The following ARMCX4 variants were observed in gnomAD, a reference collection of about 807,000 sequenced individuals.
ARMCX4 encodes armadillo repeat-containing X-linked protein 4.
In ARMCX4, 3 loss-of-function variants were observed where a neutral mutation model predicts 34.7. The ratio of observed to expected loss-of-function variants is 0.09; its 90% confidence interval spans 0.04 to 0.22. The LOEUF (loss-of-function observed/expected upper bound fraction) is 0.22, where lower values mean the gene tolerates loss of function less well. ARMCX4 is among the 10% of genes least tolerant of loss of function. ARMCX4 has a pLI of 1.00. For missense variants in ARMCX4, 1,448 were observed against 1,720.8 expected (o/e 0.84, Z 2.81); for synonymous variants, 513 against 632.8 (o/e 0.81, Z 2.84).
intron 11 of ARMCX4, among the ~76,000 whole-genome samples, chrX:101,528,153 TC>T (rs1396379532): frequency 8.9e-6 from 1 of 111,854 alleles, no homozygotes; most frequent in Non-Finnish European, 1.9e-5. Flanking sequence ...GTTGGCTTCA[TC>T]CCTGGGATGC....
At chrX:101,433,004 G>A (rs1930291095) in intron 2 of ARMCX4, among the ~76,000 whole-genome samples, 1 of 37,660 alleles carries the variant, frequency 2.7e-5, no homozygotes, top group Admixed American at 2.3e-4. Context: ...ACATATATGT[G>A]TATATATACA....
chrX:101,488,451 T>C lies in ARMCX4; in HGVS notation c.-139T>C. ...TCCTTCCTCCACTTCTAGGTCCACC[T>C]CCAGAGGCAGCTGTAGTGGCCTTTG... is the stretch of plus-strand genomic sequence containing the variant. On this transcript the variant is annotated 5_prime_UTR_variant, in exon 6 of 6. Transcript: ENST00000423738. The C allele has an allele frequency of 9.0e-7, 1 of 1,108,250 alleles. No individual in the cohort carries two copies. The highest frequency in any genetic ancestry group is 1.2e-6 in the Non-Finnish European group (1 of 850,201). The allele number at this position is 1,108,250 out of a possible 1,213,427, so 91.3% of individuals were successfully genotyped here. A position where few individuals can be genotyped will look rare whatever the true frequency, so the allele number is the denominator to read the frequency against.
intron 2 of ARMCX4, among the ~76,000 whole-genome samples, chrX:101,421,030 C>T (rs1213833344): frequency 1.8e-5 from 2 of 109,418 alleles, no homozygotes; most frequent in Non-Finnish European, 3.8e-5. Flanking sequence ...GGTGAAACCC[C>T]GTCTCTACTA....
chrX:101,433,259 TAC>T (rs2147534345), intron 2 of ARMCX4, among the ~76,000 whole-genome samples: 2 of 99,235 alleles, frequency 2.0e-5, no homozygotes, highest in East Asian at 3.2e-4. Flanking sequence ...CACACATATA[TAC>T]ATATATGTAC....
At chrX:101,508,701 A>G (rs1490006603) in intron 8 of ARMCX4, among the ~76,000 whole-genome samples, 1 of 111,795 alleles carries the variant, frequency 8.9e-6, no homozygotes, top group Non-Finnish European at 1.9e-5. Context: ...TTCTACACCC[A>G]GAAGCAATAA....
chrX:101,431,785 T>A (rs1475505055), intron 2 of ARMCX4, among the ~76,000 whole-genome samples: 1 of 112,036 alleles, frequency 8.9e-6, no homozygotes, highest in Non-Finnish European at 1.9e-5. Flanking sequence ...CCTTGTGATC[T>A]GCCCGCCTCA....
At chrX:101,447,082 G>C (rs184821439), downstream of ARMCX4, among the ~76,000 whole-genome samples, 314 of 112,037 alleles carry the variant, frequency 2.8e-3, 2 homozygotes, top group African/African-American at 9.2e-3. Context: ...TCTCTTTACA[G>C]GGCTGCTTGA....
Position 101,469,353 on chromosome X carries a change from C to A in ARMCX4, c.-472-16670C>A, listed in dbSNP as rs916696082. 1.7e-4 allele frequency among the ~76,000 whole-genome samples: 19 copies of A among 111,921 alleles called. 1 individual carries two copies. The highest frequency in any genetic ancestry group is 3.6e-4 in the Non-Finnish European group (19 of 53,158). ...TATAGCCACACTATGGAATACAATA[C>A]AACAGTTAAAAGGATCAACATTTAT... On this transcript the variant is annotated intron_variant and NMD_transcript_variant, in intron 4 of 15. Coordinates refer to the ARMCX4 transcript ENST00000433011.
intron 4 of ARMCX4, among the ~76,000 whole-genome samples, chrX:101,453,641 C>A (rs952039099): frequency 6.3e-5 from 7 of 111,227 alleles, no homozygotes; most frequent in Non-Finnish European, 1.3e-4. Context: ...TGTGCTAGAA[C>A]TCTGAGGCTT....
At chrX:101,482,680 G>A (rs1364486285), upstream of ARMCX4, among the ~76,000 whole-genome samples, 1 of 110,740 alleles carries the variant, frequency 9.0e-6, no homozygotes, top group East Asian at 2.8e-4. Context: ...GATTATAGGC[G>A]TGAGCCATCA....
At position 101,494,327 on chromosome X, in the gene ARMCX4, C is replaced by A; in HGVS notation, c.5738C>A (p.Thr1913Lys). 2 of 1,154,136 alleles carry A rather than the reference C, an allele frequency of 1.7e-6. No homozygotes were observed. Among genetic ancestry groups the A allele is most frequent in the South Asian group, 1.9e-5 (1 of 52,664 alleles). ...TGGGCTGAGAGTGAGAACAGTAATA[C>A]GTTCAGATCTAAGAGTGGGAAAGAT... ...LFWAESENSN[T>K]FRSKSGKDAS... is the part of the protein sequence containing the mutation. Residue 1913 changes from threonine to lysine, a missense_variant, in exon 6 of 6, where the codon ACG becomes AAG. This residue lies in a region of ARMCX4 where 1,343 missense variants were observed against 1,540.7 expected (regional missense o/e 0.87). Transcript: ENST00000423738.
chrX:101,420,385 C>A (rs1228599454), intron 2 of ARMCX4, among the ~76,000 whole-genome samples: 1 of 111,309 alleles, frequency 9.0e-6, no homozygotes, highest in Non-Finnish European at 1.9e-5. Flanking sequence ...AAAAAAAAGA[C>A]CACCAATTTA....
chrX:101,509,539 G>A (rs1934530243), intron 9 of ARMCX4: 1 of 111,482 alleles, frequency 9.0e-6, no homozygotes, highest in Non-Finnish European at 1.9e-5. Context: ...CATGACAAAT[G>A]ATACAAATTT....
At position 101,491,153 on chromosome X, in the gene ARMCX4, T is replaced by G; in HGVS notation, c.2564T>G (p.Val855Gly). ...KNKVKGNPNVVSKAGAREDTV... is the reference protein window; with the variant it reads ...KNKVKGNPNVGSKAGAREDTV... ...AAGGTCAAGGGCAATCCCAATGTCG[T>G]GTCTAAGGCAGGGGCCAGAGAAGAT... The change falls in exon 6 of 6, where the codon GTG (valine) becomes GGG (glycine). Residue 855 changes from valine (V) to glycine (G), a missense_variant. Physicochemically the swap from Val to Gly is moderately radical, Grantham distance 109. This residue lies in a region of ARMCX4 where 1,343 missense variants were observed against 1,540.7 expected (regional missense o/e 0.87). Coordinates refer to ENST00000423738, the MANE Select transcript of ARMCX4 (RefSeq NM_001256155.3). The G allele has an allele frequency of 8.7e-7, 1 of 1,156,064 alleles. No individual in the cohort carries two copies. Among genetic ancestry groups the G allele is most frequent in the Non-Finnish European group, 1.1e-6 (1 of 872,994 alleles).
chrX:101,428,177 C>G (rs1248241130), intron 2 of ARMCX4, among the ~76,000 whole-genome samples: 1 of 111,941 alleles, frequency 8.9e-6, no homozygotes, highest in Non-Finnish European at 1.9e-5. Flanking sequence ...TATATCCATA[C>G]AAGGGAATAC....
chrX:101,454,021 C>G (rs782196673), intron 4 of ARMCX4, among the ~76,000 whole-genome samples: 1 of 110,507 alleles, frequency 9.0e-6, no homozygotes, highest in African/African-American at 3.3e-5. Context: ...TCGTTACCCT[C>G]AAGAAAATTT....
chrX:101,447,439 A>G (rs1189356591), downstream of ARMCX4: 1 of 112,326 alleles, frequency 8.9e-6, no homozygotes, highest in Non-Finnish European at 1.9e-5. Context: ...GTGGTGAGAA[A>G]ATAACAGTAA....
chrX:101,434,177 G>A (rs1377159215), intron 2 of ARMCX4, among the ~76,000 whole-genome samples: 2 of 109,885 alleles, frequency 1.8e-5, no homozygotes, highest in African/African-American at 6.6e-5. Context: ...GAACTGCTGA[G>A]CTCAAGCGAT....
chrX:101,475,952 TAGA>T (rs1180157442), intron 4 of ARMCX4, among the ~76,000 whole-genome samples: 1 of 110,127 alleles, frequency 9.1e-6, no homozygotes, highest in Non-Finnish European at 1.9e-5. Flanking sequence ...AGCAAAAAGA[TAGA>T]GGATTTAAAT....
Sources: gnomAD v4.1 joint callset for allele counts (sites outside exome capture counted in the v4.1 genomes callset) on GRCh38, gnomAD v4.1.1 for gene constraint, gnomAD v4.1.1 regional missense constraint, MANE v1.5 for transcripts, NCBI Gene and HGNC (gene_info 2026-07-23, HGNC 2026-07-21) for gene names.